GRB7: variants seen among roughly 807,000 people sequenced by gnomAD.
GRB7 encodes growth factor receptor bound protein 7.
In GRB7, 47 loss-of-function variants were observed where a neutral mutation model predicts 64.1. The ratio of observed to expected loss-of-function variants is 0.73; its 90% CI spans 0.58 to 0.94. The LOEUF (loss-of-function observed/expected upper bound fraction) is 0.94. Among genes scored for constraint, GRB7 ranks in the 40% least tolerant of loss-of-function variants. GRB7 has a pLI of 0.00. For missense variants in GRB7, 634 were observed against 718.4 expected, an observed-to-expected ratio of 0.88 and a Z score of 1.34; for synonymous variants, 277 against 279.9, an observed-to-expected ratio of 0.99 and a Z score of 0.10.
rs376993170 is a variant in GRB7 at position 39,746,905 on chromosome 17, G to A, written c.*8G>A. On this transcript the variant is annotated 3_prime_UTR_variant, in exon 15 of 15. Coordinates refer to ENST00000309156, the MANE Select transcript of GRB7 (RefSeq NM_005310.5). ...ACGCGGGTGGCCCTCTGACCAGGCC[G>A]TGGACTGGCTCATGCCTCAGCCCGC... 1.1e-5 allele frequency: 17 copies of A among 1,601,660 alleles called. No individual in the cohort carries two copies. The highest frequency in any genetic ancestry group is 4.0e-5 in the African/African-American group (3 of 74,886).
intron 1 of GRB7, 110 bp from the exon 2 acceptor site, chr17:39,742,142 G>A (rs2059999778): frequency 4.0e-6 from 3 of 747,096 alleles, no homozygotes; most frequent in East Asian, 2.5e-5. Flanking sequence ...TTCCCCAAGG[G>A]CTTCAGGGAA....
chr17:39,739,283 C>T (rs2059976075), intron 1 of GRB7, among the ~76,000 whole-genome samples: 1 of 152,036 alleles, frequency 6.6e-6, no homozygotes, highest in South Asian at 2.1e-4. Context: ...AGGCGGGCAG[C>T]CTGTAATGAT....
At chr17:39,744,754 C>T in intron 8 of GRB7, 91 bp downstream of exon 8, 3 of 1,325,706 alleles carry the variant, frequency 2.3e-6, no homozygotes, top group Non-Finnish European at 3.2e-6. Flanking sequence ...AGCCCCAATT[C>T]AGACACCTAG....
intron 2 of GRB7, 49 bp from the exon 3 acceptor site, chr17:39,742,517 G>A (rs1272480980): frequency 1.2e-6 from 2 of 1,613,048 alleles, no homozygotes; most frequent in African/African-American, 2.7e-5. Context: ...AGGCTTGCAG[G>A]CCACTGCTCC....
intron 1 of GRB7, chr17:39,738,985 G>A (rs1001813813): frequency 1.9e-5 from 28 of 1,492,838 alleles, no homozygotes; most frequent in Middle Eastern, 3.6e-4. Context: ...AGGGGTGTAT[G>A]AGGGGCTCTG....
Position 39,746,769 on chromosome 17 carries a change from CTG to C in GRB7, c.1473_1474del (p.Tyr492LeufsTer5), listed in dbSNP as rs764644738. On this transcript the variant is annotated frameshift_variant, in exon 15 of 15. Coordinates refer to ENST00000309156, the MANE Select transcript of GRB7 (RefSeq NM_005310.5). LOFTEE classifies it high-confidence loss of function. ...ACCCCAGAGCGAGGAGGAGGGCCGC[CTG>C]TACTTCAGCATGGATGATGGCCAGA... is the stretch of plus-strand genomic sequence containing the variant. ...LILPSEEEGRLYFSMDDGQTR... is the reference protein window; with the variant it reads ...LILPSEEEGRXYFSMDDGQTR... 5 of 1,614,010 alleles carry C rather than the reference CTG, an allele frequency of 3.1e-6. No individual in the cohort carries two copies. The South Asian group carries it at 5.5e-5, about 18-fold the overall frequency.
intron 1 of GRB7, among the ~76,000 whole-genome samples, chr17:39,741,790 C>T (rs1246700902): frequency 6.6e-6 from 1 of 151,940 alleles, no homozygotes; most frequent in African/African-American, 2.4e-5. Context: ...GAGGCCAAGG[C>T]GGGCGGATCA....
chr17:39,746,648 A>AT lies in GRB7; in HGVS notation c.1453-103_1453-102insT, dbSNP rs370247827. On this transcript the variant is annotated intron_variant, in intron 14 of 14. Transcript: ENST00000309156. ...AAAAAAAGAAAGAAAAAGAAAAAGA[A>AT]AAAAGAAAAGAATAAAAGGAAATGG... The AT allele has an allele frequency of 1.3e-5, 12 of 906,854 alleles. No individual in the cohort carries two copies. The Admixed American group carries it at 3.9e-4, about 29-fold the overall frequency. The allele number at this position is 906,854 out of a possible 1,614,324, so 56.2% of individuals were successfully genotyped here. A position where few individuals can be genotyped will look rare whatever the true frequency, so the allele number is the denominator to read the frequency against.
In GRB7 at chr17:39,742,593, C is replaced by G. The variant is rs2060005062; in HGVS notation, c.183C>G (p.Ala61=). The part of the protein sequence containing the change: ...GRKLREEERR[A]TSLPSIPNPF... Reference sequence around the variant, plus strand: ...AACTTCGAGAGGAGGAGAGGCGTGCCACCTCCCTCCCCTCTATCCCCAACC... The same window carrying G: ...AACTTCGAGAGGAGGAGAGGCGTGCGACCTCCCTCCCCTCTATCCCCAACC... Residue 61 remains alanine (A), a synonymous_variant, in exon 3 of 15, where the codon GCC becomes GCG. Coordinates refer to ENST00000309156, the MANE Select transcript of GRB7 (RefSeq NM_005310.5). 1 of 1,613,870 alleles carries G rather than the reference C, an allele frequency of 6.2e-7. No homozygotes were observed. Among genetic ancestry groups the G allele is most frequent in the Non-Finnish European group, 8.5e-7 (1 of 1,179,940 alleles).
chr17:39,743,244 T>C lies in GRB7; in HGVS notation c.528T>C (p.Asp176=). 1.9e-6 allele frequency: 3 copies of C among 1,614,160 alleles called. No individual in the cohort carries two copies. Among genetic ancestry groups the C allele is most frequent in the Non-Finnish European group, 2.5e-6 (3 of 1,180,028 alleles). The change falls in exon 5 of 15, where the codon GAT becomes GAC. Residue 176 remains aspartate (D), a synonymous_variant. Coordinates refer to ENST00000309156, the MANE Select transcript of GRB7 (RefSeq NM_005310.5). ...EVQAAWPVGG[D]SRFVFRKNFA... The stretch of plus-strand genomic sequence containing the variant: ...AGGCTGCCTGGCCCGTGGGCGGAGA[T>C]AGCCGCTTCGTCTTCCGGAAAAACT...
rs757441278 is a variant in GRB7 at position 39,743,519 on chromosome 17, G to C, written c.663+49G>C. 4.1e-6 allele frequency: 6 copies of C among 1,455,222 alleles called. No individual in the cohort carries two copies. The East Asian group carries it at 1.4e-4, about 33-fold the overall frequency. The allele number at this position is 1,455,222 out of a possible 1,614,324, so 90.1% of individuals were successfully genotyped here. On this transcript the variant is annotated intron_variant, in intron 6 of 14. Transcript: ENST00000309156. ...GCAGATTCACGACTCCCCAGCATTG[G>C]CCAGTGCTTCTCCACCCTTAAGTCC...
chr17:39,744,290 G>A (rs1017857489), intron 7 of GRB7, 83 bp downstream of exon 7: 13 of 1,542,076 alleles, frequency 8.4e-6, no homozygotes, highest in Non-Finnish European at 9.7e-6. Flanking sequence ...GAACCTCTGA[G>A]CCCTTCTCCC....
rs1442429512 is a variant in GRB7 at position 39,744,672 on chromosome 17, C to T, written c.912+9C>T. 5.7e-6 allele frequency: 9 copies of T among 1,583,936 alleles called. No individual in the cohort carries two copies. The highest frequency in any genetic ancestry group is 7.7e-6 in the Non-Finnish European group (9 of 1,163,632). On this transcript the variant is annotated intron_variant, in intron 8 of 14. Coordinates refer to ENST00000309156, the MANE Select transcript of GRB7 (RefSeq NM_005310.5). ...TCGGTTTCTGTGTCAAGGTGAAGAC[C>T]TGGCCAGGCCTGGCCCCTGGCCTGG...
chr17:39,742,646 C>T lies in GRB7; in HGVS notation c.236C>T (p.Ser79Leu). 6.2e-7 allele frequency: 1 copy of T among 1,610,390 alleles called. No individual in the cohort carries two copies. The highest frequency in any genetic ancestry group is 1.3e-5 in the African/African-American group (1 of 74,854). Residue 79 changes from serine (S) to leucine (L), a missense_variant, in exon 3 of 15, where the codon TCA becomes TTA. Coordinates refer to ENST00000309156, the MANE Select transcript of GRB7 (RefSeq NM_005310.5). ...TTCCCTGAGCTCTGCAGTCCTCCCT[C>T]ACAGAGCCCAATTCTCGGGGGCCCC... ...NPFPELCSPPSQSPILGGPSS... is the reference protein window; with the variant it reads ...NPFPELCSPPLQSPILGGPSS...
rs79432284 is a variant in GRB7, at chr17:39,744,611, C to T, written c.860C>T (p.Thr287Met). The T allele has an allele frequency of 1.3e-3, 2,081 of 1,611,898 alleles. 18 individuals are homozygous for T. The African/African-American group carries it at 0.023, about 18-fold the overall frequency. Residue 287 changes from threonine to methionine, a missense_variant, in exon 8 of 15, where the codon ACG becomes ATG. Around this residue, in one of 2 missense-constraint regions of GRB7, gnomAD observed 467 missense variants for 576.6 expected, o/e 0.81. Transcript: ENST00000309156. The stretch of plus-strand genomic sequence containing the variant: ...AACGAGTCCAACGTGTACGTGGTGA[C>T]GCAGGGCCGCAAGCTCTACGGGATG... Reference protein sequence around the residue: ...DVNESNVYVVTQGRKLYGMPT... With the variant: ...DVNESNVYVVMQGRKLYGMPT...
At position 39,744,883 on chromosome 17, in the gene GRB7, C is replaced by A. The variant is rs1355255197; in HGVS notation, c.913-3C>A. On this transcript the variant is annotated splice_region_variant and splice_polypyrimidine_tract_variant and intron_variant, in intron 8 of 14. Coordinates refer to ENST00000309156, the MANE Select transcript of GRB7 (RefSeq NM_005310.5). ...GGGACCAGTCAATTTCCTCTCTCTG[C>A]AGCCCAACAAGCTTCGAAATGGCCA... 6.2e-7 allele frequency: 1 copy of A among 1,612,698 alleles called. No homozygotes were observed. The highest frequency in any genetic ancestry group is 1.3e-5 in the African/African-American group (1 of 74,912).
chr17:39,742,503 A>C, intron 2 of GRB7, 47 bp downstream of exon 2: 2 of 1,612,886 alleles, frequency 1.2e-6, no homozygotes, highest in Non-Finnish European at 1.7e-6. Context: ...TGGATAATAC[A>C]CAGAGGCTTG....
chr17:39,746,852 C>G lies in GRB7; in HGVS notation c.1554C>G (p.Ile518Met). 6.2e-7 allele frequency: 1 copy of G among 1,613,362 alleles called. No homozygotes were observed. Among genetic ancestry groups the G allele is most frequent in the Non-Finnish European group, 8.5e-7 (1 of 1,180,034 alleles). ...LVEFHQLNRG[I>M]LPCLLRHCCT... is the part of the protein sequence containing the mutation. ...AGTTCCACCAGCTGAACCGCGGCATCCTGCCGTGCTTGCTGCGCCATTGCT... is the reference window on the plus strand; with the variant it reads ...AGTTCCACCAGCTGAACCGCGGCATGCTGCCGTGCTTGCTGCGCCATTGCT... Residue 518 changes from isoleucine (I) to methionine (M), a missense_variant, in exon 15 of 15, where the codon ATC (isoleucine) becomes ATG (methionine). Physicochemically the swap from Ile to Met is conservative, Grantham distance 10. Transcript: ENST00000309156.
At chr17:39,743,819 CAAAAAAAAAAAA>C (rs35101034) in intron 6 of GRB7, among the ~76,000 whole-genome samples, 2 of 41,672 alleles carry the variant, frequency 4.8e-5, no homozygotes, top group African/African-American at 2.1e-4. Context: ...CTCGTCTCTC[CAAAAAAAAAAAA>C]AAAAAAAAAA....
Sources: allele counts gnomAD v4.1 joint callset (sites outside exome capture counted in the v4.1 genomes callset), GRCh38; gene constraint gnomAD v4.1.1; regional missense constraint gnomAD v4.1.1; transcripts MANE v1.5; gene names NCBI Gene and HGNC (gene_info 2026-07-23, HGNC 2026-07-21).